The following ALG2 variants were observed in gnomAD, a reference collection of about 807,000 sequenced individuals.
ALG2 encodes the protein alpha-1,3/1,6-mannosyltransferase ALG2.
A neutral mutation model predicts 30.5 loss-of-function variants in ALG2; 32 were observed. The observed-to-expected ratio is 1.05, with a 90% CI of 0.79 to 1.41. The LOEUF (loss-of-function observed/expected upper bound fraction) is 1.41, where lower values mean the gene tolerates loss of function less well. Among genes scored for constraint, ALG2 ranks in the 40% most tolerant of loss-of-function variants. The probability of loss-of-function intolerance (pLI) is 0.00; values close to 1 mark genes in which losing one functional copy is unlikely to be tolerated. For synonymous variants in ALG2, 253 were observed against 224.8 expected (o/e 1.13, Z -1.12); for missense variants, 574 against 526.4 (o/e 1.09, Z -0.88).
chr9:99,218,068 T>C lies in ALG2; in HGVS notation c.1117A>G (p.Ile373Val). The change falls in exon 2 of 2, where the codon ATA becomes GTA. Residue 373 changes from isoleucine to valine, a missense_variant. Coordinates refer to ENST00000476832, the MANE Select transcript of ALG2 (RefSeq NM_033087.4). ...EPDPVHFSEA[I>V]EKFIREPSLK... ...GAAGGTTCACGGATGAACTTTTCTA[T>C]TGCTTCTGAGAAGTGCACCGGGTCA... is the stretch of plus-strand genomic sequence containing the variant. The C allele has an allele frequency of 6.2e-7, 1 of 1,614,170 alleles. No homozygotes were observed. The highest frequency in any genetic ancestry group is 8.5e-7 in the Non-Finnish European group (1 of 1,180,024).
rs1301773898 is a variant in ALG2 at position 99,221,633 on chromosome 9, C to G, written c.262G>C (p.Val88Leu). ...GLGWGGRGAA[V>L]CAYVRMVFLA... The stretch of plus-strand genomic sequence containing the variant: ...AAAACCATGCGCACGTAGGCGCAGA[C>G]GGCGGCGCCGCGGCCGCCCCAGCCC... Residue 88 changes from valine to leucine, a missense_variant, in exon 1 of 2, where the codon GTC becomes CTC. Val to Leu is a conservative substitution (Grantham distance 32). Transcript: ENST00000476832. 6.5e-7 allele frequency: 1 copy of G among 1,539,510 alleles called. No homozygotes were observed. Among genetic ancestry groups the G allele is most frequent in the East Asian group, 2.4e-5 (1 of 40,930 alleles).
chr9:99,221,375 G>A (rs899541563), intron 1 of ALG2, among the ~76,000 whole-genome samples, 172 bp downstream of exon 1: 1 of 152,180 alleles, frequency 6.6e-6, no homozygotes, highest in Non-Finnish European at 1.5e-5. Flanking sequence ...ACTTTAAATG[G>A]GCCCACACTA....
intron 1 of ALG2, among the ~76,000 whole-genome samples, chr9:99,220,686 T>C (rs1245111782): frequency 6.6e-6 from 1 of 152,142 alleles, no homozygotes; most frequent in Non-Finnish European, 1.5e-5. Flanking sequence ...AGATGCCTAA[T>C]AGTAGGTATG....
rs780192828 is a variant in ALG2, at chr9:99,221,779, G to A, written c.116C>T (p.Ala39Val). 6.3e-7 allele frequency: 1 copy of A among 1,598,300 alleles called. No homozygotes were observed. Among genetic ancestry groups the A allele is most frequent in the Admixed American group, 1.7e-5 (1 of 59,974 alleles). ...AERLVLDAAL[A>V]LQARGCSVKI... ...CACGCTACACCCGCGCGCCTGCAGC[G>A]CCAGCGCCGCGTCCAACACCAGCCG... The change falls in exon 1 of 2, where the codon GCG becomes GTG. Residue 39 changes from alanine (A) to valine (V), a missense_variant. Ala to Val is a moderately conservative substitution (Grantham distance 64). Coordinates refer to ENST00000476832, the MANE Select transcript of ALG2 (RefSeq NM_033087.4).
At position 99,216,490 on chromosome 9, in the gene ALG2, ACTC is replaced by A. The variant is rs898472237; in HGVS notation, c.*1441_*1443del. The A allele has an allele frequency of 4.5e-6, 2 of 448,850 alleles. No individual in the cohort carries two copies. The highest frequency in any genetic ancestry group is 2.0e-5 in the African/African-American group (1 of 49,694). 27.8% of individuals were successfully genotyped at this position (448,850 alleles called of 1,614,324 possible). The stretch of plus-strand genomic sequence containing the variant: ...ATATTTGGCACCCTCATTTTATAGT[ACTC>A]CTTTTTGGTACAGAATCATTTTGCC... On this transcript the variant is annotated 3_prime_UTR_variant, in exon 2 of 2. Transcript: ENST00000476832.
At chr9:99,220,289 T>G (rs571868598) in intron 1 of ALG2, among the ~76,000 whole-genome samples, 37 of 152,318 alleles carry the variant, frequency 2.4e-4, no homozygotes, top group African/African-American at 8.4e-4. Context: ...TTAGTGTCCT[T>G]TAAGGAGAAT....
chr9:99,221,021 G>GC, intron 1 of ALG2: 2 of 1,353,116 alleles, frequency 1.5e-6, no homozygotes, highest in Non-Finnish European at 2.0e-6. Context: ...CCAATGGGGA[G>GC]CCATGTACAA....
Position 99,221,217 on chromosome 9 carries a change from C to G in ALG2, c.348+330G>C, listed in dbSNP as rs998006734. ...ACTCATTAGTAAAAGGTGACTGAAG[C>G]TGACTTCTAATACCAGCGTTTCTCA... is the stretch of plus-strand genomic sequence containing the variant. On this transcript the variant is annotated intron_variant, in intron 1 of 1. Coordinates refer to ENST00000476832, the MANE Select transcript of ALG2 (RefSeq NM_033087.4). 6 of 1,304,088 alleles carry G rather than the reference C, an allele frequency of 4.6e-6. No individual in the cohort carries two copies. In the Admixed American group the frequency reaches 1.6e-4, roughly 34 times the overall value. The allele number at this position is 1,304,088 out of a possible 1,614,324, so 80.8% of individuals were successfully genotyped here.
chr9:99,217,019 G>A lies in ALG2; in HGVS notation c.*915C>T, dbSNP rs960548356. 6.6e-6 allele frequency: 3 copies of A among 454,032 alleles called. No individual in the cohort carries two copies. Among genetic ancestry groups the A allele is most frequent in the East Asian group, 6.9e-5 (1 of 14,412 alleles). The allele number at this position is 454,032 out of a possible 1,614,324, so 28.1% of individuals were successfully genotyped here. A position where few individuals can be genotyped will look rare whatever the true frequency, so the allele number is the denominator to read the frequency against. Reference sequence around the variant, plus strand: ...AAATATCAGTGTCATGAAAAGGCTAGAGTACATGGAGGGGGAAGATAACTT... The same window carrying A: ...AAATATCAGTGTCATGAAAAGGCTAAAGTACATGGAGGGGGAAGATAACTT... On this transcript the variant is annotated 3_prime_UTR_variant, in exon 2 of 2. Transcript: ENST00000476832.
chr9:99,221,517 C>T, intron 1 of ALG2, 30 bp downstream of exon 1: 4 of 1,539,198 alleles, frequency 2.6e-6, no homozygotes, highest in Non-Finnish European at 3.5e-6. Context: ...GAGGTCCGCA[C>T]TCGCGCAGCC....
rs763609222 is a variant in ALG2 at position 99,218,542 on chromosome 9, T to A, written c.643A>T (p.Lys215Ter). 2 of 1,614,220 alleles carry A rather than the reference T, an allele frequency of 1.2e-6. No homozygotes were observed. Among genetic ancestry groups the A allele is most frequent in the East Asian group, 4.5e-5 (2 of 44,892 alleles). ...CCCTTGGGGACTAGGTCATCCAGCT[T>A]TTCAGGAACAACTGAGTCAAAGCTG... Reference protein sequence around the residue: ...VTSFDSVVPEKLDDLVPKGKK... With the variant: ...VTSFDSVVPE The change falls in exon 2 of 2, where the codon AAG becomes TAG. Residue 215 changes from lysine (K) to a stop codon, truncating the protein, a stop_gained. Transcript: ENST00000476832. LOFTEE classifies it high-confidence loss of function.
chr9:99,217,808 T>A lies in ALG2; in HGVS notation c.*126A>T, dbSNP rs1194270144. On this transcript the variant is annotated 3_prime_UTR_variant, in exon 2 of 2. Coordinates refer to ENST00000476832, the MANE Select transcript of ALG2 (RefSeq NM_033087.4). Reference sequence around the variant, plus strand: ...GTGGTATATAGGAAAGTGGCTCACATTCAAGACTCAAGTTTATTTTTTAAA... The same window carrying A: ...GTGGTATATAGGAAAGTGGCTCACAATCAAGACTCAAGTTTATTTTTTAAA... 1 of 1,090,020 alleles carries A rather than the reference T, an allele frequency of 9.2e-7. No individual in the cohort carries two copies. The allele number at this position is 1,090,020 out of a possible 1,614,324, so 67.5% of individuals were successfully genotyped here. A position where few individuals can be genotyped will look rare whatever the true frequency, so the allele number is the denominator to read the frequency against.
In ALG2 at chr9:99,217,834, A is replaced by G. The variant is rs753611171; in HGVS notation, c.*100T>C. 1.5e-6 allele frequency: 2 copies of G among 1,330,638 alleles called. No homozygotes were observed. The highest frequency in any genetic ancestry group is 2.4e-5 in the South Asian group (2 of 83,526). The allele number at this position is 1,330,638 out of a possible 1,614,324, so 82.4% of individuals were successfully genotyped here. A position where few individuals can be genotyped will look rare whatever the true frequency, so the allele number is the denominator to read the frequency against. On this transcript the variant is annotated 3_prime_UTR_variant, in exon 2 of 2. Coordinates refer to ENST00000476832, the MANE Select transcript of ALG2 (RefSeq NM_033087.4). ...TCAAGACTCAAGTTTATTTTTTAAA[A>G]GATCTCTTCTGCATTAGATTCTAGG... is the stretch of plus-strand genomic sequence containing the variant.
intron 1 of ALG2, among the ~76,000 whole-genome samples, chr9:99,219,359 CCTT>C (rs2119001599): frequency 6.6e-6 from 1 of 152,304 alleles, no homozygotes; most frequent in South Asian, 2.1e-4. Context: ...GGATCTTTCT[CCTT>C]CTAAGGAACT....
chr9:99,221,877 G>A lies in ALG2; in HGVS notation c.18C>T (p.Gly6=), dbSNP rs746768562. 6.3e-7 allele frequency: 1 copy of A among 1,589,660 alleles called. No individual in the cohort carries two copies. The highest frequency in any genetic ancestry group is 8.5e-7 in the Non-Finnish European group (1 of 1,175,462). The change falls in exon 1 of 2, where the codon GGC becomes GGT. Residue 6 remains glycine, a synonymous_variant. Coordinates refer to ENST00000476832, the MANE Select transcript of ALG2 (RefSeq NM_033087.4). MAEEQ[G]RERDSVPKPS... ...GCTTGGGAACCGAGTCCCGTTCCCG[G>A]CCCTGCTCCTCCGCCATGGCCCTGG... is the stretch of plus-strand genomic sequence containing the variant.
At chr9:99,220,256 T>G (rs1828770059) in intron 1 of ALG2, among the ~76,000 whole-genome samples, 1 of 152,226 alleles carries the variant, frequency 6.6e-6, no homozygotes, top group Non-Finnish European at 1.5e-5. Context: ...CACTGATCTA[T>G]TCACAAAAAA....
intron 1 of ALG2, 110 bp downstream of exon 1, chr9:99,221,437 C>T (rs928095664): frequency 2.6e-5 from 33 of 1,270,332 alleles, no homozygotes; most frequent in Non-Finnish European, 3.5e-5. Flanking sequence ...CATGTCAGTT[C>T]CGATCTTTGC....
Position 99,217,414 on chromosome 9 carries a change from T to C in ALG2, c.*520A>G, listed in dbSNP as rs944000925. The C allele has an allele frequency of 2.2e-6, 1 of 454,042 alleles. No individual in the cohort carries two copies. The highest frequency in any genetic ancestry group is 2.3e-5 in the Admixed American group (1 of 42,568). 28.1% of individuals were successfully genotyped at this position (454,042 alleles called of 1,614,324 possible). A position where few individuals can be genotyped will look rare whatever the true frequency, so the allele number is the denominator to read the frequency against. On this transcript the variant is annotated 3_prime_UTR_variant, in exon 2 of 2. Coordinates refer to ENST00000476832, the MANE Select transcript of ALG2 (RefSeq NM_033087.4). ...ATATCTCAGTGTGCAAAAATACAAA[T>C]TATCTTAAAAAAAATACAGAGCACT...
rs564704007 is a variant in ALG2 at position 99,221,258 on chromosome 9, T to C, written c.348+289A>G. ...GCGTTTCTCAGAGCCCCAAAGACTATCTACCTCGGAATCACCCTATGACCC... is the reference window on the plus strand; with the variant it reads ...GCGTTTCTCAGAGCCCCAAAGACTACCTACCTCGGAATCACCCTATGACCC... On this transcript the variant is annotated intron_variant, in intron 1 of 1. Transcript: ENST00000476832. 1.3e-3 allele frequency: 1,391 copies of C among 1,107,714 alleles called. 5 individuals are homozygous for C. Among genetic ancestry groups the C allele is most frequent in the South Asian group, 8.3e-3 (506 of 61,146 alleles). The allele number at this position is 1,107,714 out of a possible 1,614,324, so 68.6% of individuals were successfully genotyped here.
Sources: gnomAD v4.1 joint callset for allele counts (sites outside exome capture counted in the v4.1 genomes callset) on GRCh38, gnomAD v4.1.1 for gene constraint, MANE v1.5 for transcripts, NCBI Gene and HGNC (gene_info 2026-07-23, HGNC 2026-07-21) for gene names.